The following RFX3 variants were observed in gnomAD, a reference collection of about 807,000 sequenced individuals.
The protein encoded by RFX3 is regulatory factor X3.
RFX3 carries 14 observed loss-of-function variants against 98.6 expected under a neutral mutation model. That is an observed-to-expected ratio of 0.14 (90% CI 0.09 to 0.22). The LOEUF (loss-of-function observed/expected upper bound fraction) is 0.22, where lower values mean the gene tolerates loss of function less well. Ranked by LOEUF, RFX3 falls within the 10% of genes least tolerant of loss-of-function variation. The probability of loss-of-function intolerance (pLI) is 1.00; values close to 1 mark genes in which losing one functional copy is unlikely to be tolerated. For missense variants in RFX3, 639 were observed against 926.9 expected (o/e 0.69, Z 4.03); for synonymous variants, 383 against 328.4 (o/e 1.17, Z -1.80).
intron 1 of RFX3, among the ~76,000 whole-genome samples, chr9:3,419,940 C>T (rs957659662): frequency 6.6e-6 from 1 of 152,186 alleles, no homozygotes; most frequent in African/African-American, 2.4e-5. Flanking sequence ...AATTCCAACA[C>T]AACCTCTGCA....
chr9:3,331,895 T>C (rs890915792), intron 3 of RFX3, among the ~76,000 whole-genome samples: 1 of 152,168 alleles, frequency 6.6e-6, no homozygotes, highest in Non-Finnish European at 1.5e-5. Context: ...AACAGCCAAG[T>C]GGTCATCACT....
rs750983201 is a variant in RFX3, at chr9:3,225,151, G to C, written c.2141C>G (p.Thr714Ser). The change falls in exon 17 of 17, where the codon ACT becomes AGT. Residue 714 changes from threonine to serine, a missense_variant. Thr to Ser is a moderately conservative substitution (Grantham distance 58). Coordinates refer to ENST00000617270, the MANE Select transcript of RFX3 (RefSeq NM_001282116.2). ...ATTCAGGAGGCTTGGTTGCACGCCAGTCTCGAGAACAGGCTGCATGCAGCC... is the reference window on the plus strand; with the variant it reads ...ATTCAGGAGGCTTGGTTGCACGCCACTCTCGAGAACAGGCTGCATGCAGCC... ...PVGCMQPVLE[T>S]GVQPSLLNPI... is the part of the protein sequence containing the mutation. The C allele has an allele frequency of 8.1e-6, 13 of 1,613,986 alleles. No homozygotes were observed. The South Asian group carries it at 1.4e-4, about 18-fold the overall frequency.
chr9:3,304,662 C>T (rs1194828097), intron 4 of RFX3, among the ~76,000 whole-genome samples: 2 of 151,868 alleles, frequency 1.3e-5, no homozygotes, highest in African/African-American at 4.8e-5. Flanking sequence ...AAAGGGTTTC[C>T]CCTTTTGCTT....
intron 16 of RFX3, among the ~76,000 whole-genome samples, chr9:3,228,597 G>C (rs894558915): frequency 1.3e-5 from 2 of 152,000 alleles, no homozygotes; most frequent in African/African-American, 4.8e-5. Flanking sequence ...TGAACTTCAG[G>C]AAAAAAGTAT....
chr9:3,356,368 G>C (rs1024436015), intron 2 of RFX3, among the ~76,000 whole-genome samples: 6 of 151,704 alleles, frequency 4.0e-5, no homozygotes, highest in African/African-American at 1.5e-4. Flanking sequence ...TAATAATAAA[G>C]ACAACGTAGT....
chr9:3,298,840 T>C (rs766930696), intron 5 of RFX3, among the ~76,000 whole-genome samples: 6 of 151,748 alleles, frequency 4.0e-5, no homozygotes, highest in Non-Finnish European at 7.4e-5. Flanking sequence ...AAACAGAAAA[T>C]AGGAAGTCTT....
intron 7 of RFX3, among the ~76,000 whole-genome samples, chr9:3,283,772 G>A (rs893074027): frequency 6.6e-6 from 1 of 151,748 alleles, no homozygotes; most frequent in African/African-American, 2.4e-5. Flanking sequence ...CAAAGAGGCA[G>A]GAGGTGGCAC....
chr9:3,385,833 GATA>G (rs1458771155), intron 2 of RFX3, among the ~76,000 whole-genome samples: 3 of 151,992 alleles, frequency 2.0e-5, no homozygotes, highest in African/African-American at 7.3e-5. Context: ...GGTCATCTAA[GATA>G]ATAATATATT....
intron 2 of RFX3, among the ~76,000 whole-genome samples, chr9:3,375,980 C>T (rs761343073): frequency 3.3e-4 from 50 of 151,582 alleles, no homozygotes; most frequent in Non-Finnish European, 6.5e-4. Context: ...AAATTATACA[C>T]AAATTAGGTA....
chr9:3,504,866 T>C (rs1164075567), intron 1 of RFX3, among the ~76,000 whole-genome samples: 9 of 74,966 alleles, frequency 1.2e-4, no homozygotes, highest in Non-Finnish European at 1.6e-4. Flanking sequence ...TGATATAATA[T>C]ATATTATATA....
At chr9:3,298,585 C>A (rs774953472) in intron 5 of RFX3, among the ~76,000 whole-genome samples, 1 of 151,808 alleles carries the variant, frequency 6.6e-6, no homozygotes, top group Non-Finnish European at 1.5e-5. Context: ...TTTCTTGGAA[C>A]TACCACTTGC....
At position 3,220,434 on chromosome 9, in the gene RFX3, T is replaced by A. The variant is rs139817537; in HGVS notation, c.*4608A>T. ...GTGCAGAAATCAGTTATGACATAGG[T>A]CTATCCAGGCCCATGTATTTGTCCT... On this transcript the variant is annotated 3_prime_UTR_variant, in exon 17 of 17. Coordinates refer to ENST00000617270, the MANE Select transcript of RFX3 (RefSeq NM_001282116.2). 4.6e-3 allele frequency: 706 copies of A among 152,226 alleles called. 8 individuals are homozygous for A. The highest frequency in any genetic ancestry group is 0.015 in the African/African-American group (639 of 41,538). 9.4% of individuals were successfully genotyped at this position (152,226 alleles called of 1,614,324 possible).
In RFX3 at chr9:3,400,283, G is replaced by A. The variant is rs79862276; in HGVS notation, c.-8-4687C>T. 3.1e-4 allele frequency: 235 copies of A among 770,080 alleles called. 6 individuals are homozygous for A. In the East Asian group the frequency reaches 0.016, roughly 51 times the overall value. The allele number at this position is 770,080 out of a possible 1,614,324, so 47.7% of individuals were successfully genotyped here. ...AAAAGTTGTCAACTACTTAATAGGAGGAATCTTATAGAATAGAGTAGGGGA... is the reference window on the plus strand; with the variant it reads ...AAAAGTTGTCAACTACTTAATAGGAAGAATCTTATAGAATAGAGTAGGGGA... On this transcript the variant is annotated intron_variant, in intron 1 of 16. Coordinates refer to ENST00000617270, the MANE Select transcript of RFX3 (RefSeq NM_001282116.2).
chr9:3,283,377 G>C (rs1415293283), intron 7 of RFX3, among the ~76,000 whole-genome samples: 1 of 151,678 alleles, frequency 6.6e-6, no homozygotes, highest in Non-Finnish European at 1.5e-5. Flanking sequence ...AAAACAATCT[G>C]TGAGATAGTC....
intron 16 of RFX3, among the ~76,000 whole-genome samples, chr9:3,226,558 CAAA>C (rs1427435232): frequency 6.6e-6 from 1 of 152,146 alleles, no homozygotes; most frequent in East Asian, 1.9e-4. Context: ...ACCAATAAAA[CAAA>C]GAAGTGCTCT....
intron 3 of RFX3, among the ~76,000 whole-genome samples, chr9:3,343,185 G>C (rs1379255733): frequency 6.6e-6 from 1 of 152,200 alleles, no homozygotes; most frequent in African/African-American, 2.4e-5. Context: ...GAGACCCCAT[G>C]CATTATGGCT....
chr9:3,389,223 T>G (rs17659225), intron 2 of RFX3, among the ~76,000 whole-genome samples: 11,597 of 152,174 alleles, frequency 0.076, 663 homozygotes, highest in Non-Finnish European at 0.12. Context: ...TTAACTCAGT[T>G]CTAGGACAAG....
At chr9:3,376,572 C>G (rs969219971) in intron 2 of RFX3, among the ~76,000 whole-genome samples, 7 of 152,130 alleles carry the variant, frequency 4.6e-5, no homozygotes, top group African/African-American at 1.7e-4. Flanking sequence ...ATATGTTGTA[C>G]AAAAGCCAAA....
At chr9:3,225,823 G>A (rs1364256369) in intron 16 of RFX3, among the ~76,000 whole-genome samples, 2 of 152,112 alleles carry the variant, frequency 1.3e-5, no homozygotes, top group Non-Finnish European at 2.9e-5. Flanking sequence ...CAATGTCACA[G>A]TATTAAATAA....
Sources: allele counts gnomAD v4.1 joint callset (sites outside exome capture counted in the v4.1 genomes callset), GRCh38; gene constraint gnomAD v4.1.1; transcripts MANE v1.5; gene names NCBI Gene and HGNC (gene_info 2026-07-23, HGNC 2026-07-21).